ZNF385B: variants seen among roughly 807,000 people sequenced by gnomAD.
ZNF385B encodes zinc finger protein 533.
A neutral mutation model predicts 39.2 loss-of-function variants in ZNF385B; 23 were observed. That is an observed-to-expected ratio of 0.59 (90% CI 0.42 to 0.83). The LOEUF is 0.83. Ranked by LOEUF, ZNF385B falls within the 40% of genes least tolerant of loss-of-function variation. ZNF385B has a pLI of 0.00. For missense variants in ZNF385B, 552 were observed against 598.9 expected (o/e 0.92, Z 0.82); for synonymous variants, 205 against 222.6 (o/e 0.92, Z 0.70).
In ZNF385B at chr2:179,479,321, C is replaced by T. The variant is rs1193128922; in HGVS notation, c.715+3951G>A. 6.6e-5 allele frequency among the ~76,000 whole-genome samples: 10 copies of T among 152,222 alleles called. No individual in the cohort carries two copies. In the East Asian group the frequency reaches 1.9e-3, roughly 29 times the overall value. On this transcript the variant is annotated intron_variant, in intron 6 of 9. Coordinates refer to ENST00000410066, the MANE Select transcript of ZNF385B (RefSeq NM_152520.6). ...CCTGAAAGAAAAAAAAGAAAGCTTG[C>T]CATGATATCCCGAAATTTTTATACA...
chr2:179,549,468 C>T lies in ZNF385B; in HGVS notation c.299-4499G>A, dbSNP rs77419460. 1.0e-3 allele frequency among the ~76,000 whole-genome samples: 152 copies of T among 149,328 alleles called. 1 individual carries two copies. In the East Asian group the frequency reaches 0.021, roughly 21 times the overall value. ...TCAGTGTAGGAGGGTTCCAATTTTT[C>T]CTGGCCTGCCTATACAGGACCACAC... is the stretch of plus-strand genomic sequence containing the variant. On this transcript the variant is annotated intron_variant, in intron 3 of 9. Transcript: ENST00000410066.
rs534154295 is a variant in ZNF385B at position 179,851,260 on chromosome 2, G to A, written c.-155+9841C>T. Among the ~76,000 whole-genome samples the A allele has an allele frequency of 1.4e-4, 22 of 152,306 alleles. No homozygotes were observed. The South Asian group carries it at 1.9e-3, about 13-fold the overall frequency. On this transcript the variant is annotated intron_variant, in intron 1 of 9. Coordinates refer to ENST00000410066, the MANE Select transcript of ZNF385B (RefSeq NM_152520.6). ...GAGGCCAGGAGTTCAAGACCAGCCC[G>A]TGCAACGCGGCAAGACATCACCAGT...
chr2:179,645,579 C>A (rs2106232720), intron 3 of ZNF385B, among the ~76,000 whole-genome samples: 1 of 152,272 alleles, frequency 6.6e-6, no homozygotes, highest in East Asian at 1.9e-4. Flanking sequence ...AAGACTCGAG[C>A]TTTATGGTTC....
intron 1 of ZNF385B, among the ~76,000 whole-genome samples, chr2:179,845,657 A>G (rs1708762251): frequency 6.6e-6 from 1 of 152,240 alleles, no homozygotes. Flanking sequence ...TTGTATATGC[A>G]AAGCAACATG....
chr2:179,489,583 T>C (rs1470672803), intron 5 of ZNF385B, among the ~76,000 whole-genome samples: 3 of 152,192 alleles, frequency 2.0e-5, no homozygotes, highest in African/African-American at 4.8e-5. Flanking sequence ...TTCTGAGAAA[T>C]AAATAATTAC....
At chr2:179,766,030 T>TCTCTCACACACA (rs1553527783) in intron 3 of ZNF385B, among the ~76,000 whole-genome samples, 2 of 140,832 alleles carry the variant, frequency 1.4e-5, no homozygotes, top group African/African-American at 5.4e-5. Flanking sequence ...GGTACATTGA[T>TCTCTCACACACA]CACACACACA....
intron 1 of ZNF385B, among the ~76,000 whole-genome samples, chr2:179,838,939 C>T (rs1708402390): frequency 7.0e-6 from 1 of 142,838 alleles, no homozygotes; most frequent in African/African-American, 2.7e-5. Flanking sequence ...GGGGGGGGGG[C>T]ATTTTGCTGC....
At chr2:179,689,227 C>A (rs533914588) in intron 3 of ZNF385B, among the ~76,000 whole-genome samples, 31 of 152,140 alleles carry the variant, frequency 2.0e-4, no homozygotes, top group Non-Finnish European at 3.8e-4. Flanking sequence ...TATGCTGAGG[C>A]AGATAAACAG....
At chr2:179,694,095 C>T (rs756060021) in intron 3 of ZNF385B, among the ~76,000 whole-genome samples, 1 of 152,108 alleles carries the variant, frequency 6.6e-6, no homozygotes, top group Non-Finnish European at 1.5e-5. Context: ...AATGGGGAAA[C>T]ACTTCTTAAA....
At chr2:179,488,535 A>G (rs2054862206) in intron 5 of ZNF385B, among the ~76,000 whole-genome samples, 1 of 152,208 alleles carries the variant, frequency 6.6e-6, no homozygotes, top group African/African-American at 2.4e-5. Context: ...CATGGAAAAA[A>G]CAGTCGAAGG....
At chr2:179,792,174 A>G (rs1451811689) in intron 1 of ZNF385B, among the ~76,000 whole-genome samples, 2 of 152,084 alleles carry the variant, frequency 1.3e-5, no homozygotes, top group African/African-American at 4.8e-5. Context: ...CCTTCATCCC[A>G]GCCCTAGGAT....
intron 3 of ZNF385B, among the ~76,000 whole-genome samples, chr2:179,714,557 G>C (rs1016644664): frequency 2.6e-5 from 4 of 152,138 alleles, no homozygotes; most frequent in African/African-American, 9.7e-5. Context: ...CTGTTAAAAG[G>C]TTAGGGTAAC....
In ZNF385B at chr2:179,554,004, A is replaced by G. The variant is rs1022914449; in HGVS notation, c.299-9035T>C. On this transcript the variant is annotated intron_variant, in intron 3 of 9. Coordinates refer to ENST00000410066, the MANE Select transcript of ZNF385B (RefSeq NM_152520.6). ...TGTGCAACCTTGGACAAGTTATTTT[A>G]CTTATTTATACCTCCACTGTCTTTT... 1.0e-4 allele frequency among the ~76,000 whole-genome samples: 15 copies of G among 149,188 alleles called. 2 individuals are homozygous for G. Among genetic ancestry groups the G allele is most frequent in the Admixed American group, 6.7e-4 (10 of 14,972 alleles).
chr2:179,604,990 ATGT>A (rs1449327385), intron 3 of ZNF385B, among the ~76,000 whole-genome samples: 13 of 152,104 alleles, frequency 8.5e-5, no homozygotes, highest in Non-Finnish European at 1.5e-5. Flanking sequence ...TACTCATATG[ATGT>A]TGTTTGTTTC....
At chr2:179,540,653 C>CA (rs1332611783) in intron 4 of ZNF385B, among the ~76,000 whole-genome samples, 1 of 152,044 alleles carries the variant, frequency 6.6e-6, no homozygotes, top group African/African-American at 2.4e-5. Context: ...TCCTCTCTTC[C>CA]AAAAAATGTT....
chr2:179,535,785 G>T (rs1433608889), intron 4 of ZNF385B, among the ~76,000 whole-genome samples: 1 of 152,202 alleles, frequency 6.6e-6, no homozygotes, highest in Non-Finnish European at 1.5e-5. Flanking sequence ...CTACAAAGAT[G>T]TTGAAACTTC....
intron 3 of ZNF385B, among the ~76,000 whole-genome samples, chr2:179,664,873 A>G (rs1694950501): frequency 6.6e-6 from 1 of 152,148 alleles, no homozygotes; most frequent in South Asian, 2.1e-4. Flanking sequence ...ATTTTTGTTT[A>G]TTATTTACCA....
intron 3 of ZNF385B, among the ~76,000 whole-genome samples, chr2:179,719,689 T>G (rs552002361): frequency 2.0e-4 from 30 of 152,220 alleles, no homozygotes; most frequent in Non-Finnish European, 3.2e-4. Context: ...CATGTTAACA[T>G]GATTGCATCA....
intron 3 of ZNF385B, among the ~76,000 whole-genome samples, chr2:179,599,652 T>G (rs765167346): frequency 6.6e-6 from 1 of 152,120 alleles, no homozygotes; most frequent in African/African-American, 2.4e-5. Flanking sequence ...CCAATAAACA[T>G]GCTGAAAGAC....
Sources: allele counts gnomAD v4.1 joint callset (sites outside exome capture counted in the v4.1 genomes callset), GRCh38; gene constraint gnomAD v4.1.1; transcripts MANE v1.5; gene names NCBI Gene and HGNC (gene_info 2026-07-23, HGNC 2026-07-21).